SEL1L2: variants seen among roughly 807,000 people sequenced by gnomAD.
The protein encoded by SEL1L2 is SEL1L2 adaptor subunit of SYVN1 ubiquitin ligase, also known as protein sel-1 homolog 2.
A neutral mutation model predicts 98.8 loss-of-function variants in SEL1L2; 89 were observed. That is an observed-to-expected ratio of 0.90 (90% confidence interval 0.76 to 1.07). SEL1L2 has a LOEUF of 1.07. SEL1L2 is among the 50% of genes least tolerant of loss of function. SEL1L2 has a pLI of 0.00. For missense variants in SEL1L2, 788 were observed against 812.0 expected, an observed-to-expected ratio of 0.97 and a Z score of 0.36; for synonymous variants, 262 against 278.5, an observed-to-expected ratio of 0.94 and a Z score of 0.59.
chr20:13,898,053 T>A (rs1414218824), intron 5 of SEL1L2, among the ~76,000 whole-genome samples: 1 of 152,156 alleles, frequency 6.6e-6, no homozygotes, highest in South Asian at 2.1e-4. Context: ...ATGGTGCAGC[T>A]GCTATGGAAA....
intron 14 of SEL1L2, among the ~76,000 whole-genome samples, chr20:13,868,285 G>T (rs912338557): frequency 6.6e-6 from 1 of 151,894 alleles, no homozygotes; most frequent in Non-Finnish European, 1.5e-5. Context: ...TATCTATCAC[G>T]GTTAAAGAGG....
chr20:13,912,226 T>C (rs575340575), intron 5 of SEL1L2, among the ~76,000 whole-genome samples: 1 of 151,862 alleles, frequency 6.6e-6, no homozygotes, highest in Non-Finnish European at 1.5e-5. Flanking sequence ...AGGACACCCA[T>C]GGGCTTTGTC....
At chr20:13,920,606 T>C (rs564600036) in intron 3 of SEL1L2, among the ~76,000 whole-genome samples, 5 of 147,016 alleles carry the variant, frequency 3.4e-5, no homozygotes, top group South Asian at 4.4e-4. Context: ...CACACACACA[T>C]ACAGCCTTTT....
intron 18 of SEL1L2, among the ~76,000 whole-genome samples, chr20:13,853,670 T>TGA (rs2147714692): frequency 6.6e-6 from 1 of 152,326 alleles, no homozygotes; most frequent in East Asian, 1.9e-4. Context: ...ATGAAGATAT[T>TGA]GAGGCACAGA....
chr20:13,932,666 G>A (rs1337010686), intron 2 of SEL1L2, among the ~76,000 whole-genome samples: 1 of 152,088 alleles, frequency 6.6e-6, no homozygotes, highest in Non-Finnish European at 1.5e-5. Context: ...TCTGACCTCA[G>A]GTGATCTGCC....
At chr20:13,926,300 G>A (rs1309750437) in intron 3 of SEL1L2, among the ~76,000 whole-genome samples, 1 of 150,612 alleles carries the variant, frequency 6.6e-6, no homozygotes, top group African/African-American at 2.4e-5. Context: ...GGGCGACAGA[G>A]CGAGACTCCG....
intron 5 of SEL1L2, among the ~76,000 whole-genome samples, chr20:13,891,945 G>A (rs1016448312): frequency 6.6e-6 from 1 of 152,104 alleles, no homozygotes; most frequent in African/African-American, 2.4e-5. Flanking sequence ...GAATTCTGTA[G>A]TATTGTAATG....
chr20:13,877,422 T>C, intron 11 of SEL1L2, 98 bp downstream of exon 11: 1 of 922,132 alleles, frequency 1.1e-6, no homozygotes, highest in Non-Finnish European at 1.7e-6. Context: ...CACCTCAACT[T>C]CCCAAGTAGC....
At chr20:13,924,298 C>G (rs914006600) in intron 3 of SEL1L2, among the ~76,000 whole-genome samples, 2 of 119,834 alleles carry the variant, frequency 1.7e-5, no homozygotes, top group African/African-American at 5.7e-5. Flanking sequence ...CTTTTTTTTT[C>G]TGGGCTGCAT....
At chr20:13,944,772 C>T (rs941836576) in intron 2 of SEL1L2, among the ~76,000 whole-genome samples, 3 of 152,086 alleles carry the variant, frequency 2.0e-5, no homozygotes, top group Non-Finnish European at 4.4e-5. Flanking sequence ...AAATACAAAG[C>T]GTTTTGCTAA....
rs1202553517 is a variant in SEL1L2, at chr20:13,850,976, C to G, written c.1819-657G>C. ...AGGGCCAGGCACAGGGGGGTTCACG[C>G]CTGTAGTCCCAGTACTTTGGGAGGC... On this transcript the variant is annotated intron_variant, in intron 18 of 19. Transcript: ENST00000284951. 2.0e-5 allele frequency among the ~76,000 whole-genome samples: 3 copies of G among 152,158 alleles called. No homozygotes were observed. The South Asian group carries it at 6.2e-4, about 31-fold the overall frequency.
intron 2 of SEL1L2, among the ~76,000 whole-genome samples, chr20:13,952,360 C>T (rs533529620): frequency 2.6e-5 from 4 of 152,312 alleles, no homozygotes; most frequent in South Asian, 2.1e-4. Flanking sequence ...CCAAGCCTCC[C>T]ATTTCATGGA....
chr20:13,958,523 C>G (rs1291650542), intron 1 of SEL1L2, among the ~76,000 whole-genome samples: 1 of 152,080 alleles, frequency 6.6e-6, no homozygotes. Context: ...CAAACTTGAG[C>G]GATTTTCTTA....
chr20:13,914,298 C>T (rs2048316792), intron 4 of SEL1L2, among the ~76,000 whole-genome samples: 1 of 152,114 alleles, frequency 6.6e-6, no homozygotes, highest in South Asian at 2.1e-4. Context: ...ATACTGAACT[C>T]TCCCATGGCC....
chr20:13,924,621 C>T (rs2048802703), intron 3 of SEL1L2, among the ~76,000 whole-genome samples: 1 of 151,866 alleles, frequency 6.6e-6, no homozygotes. Flanking sequence ...GACAGACTCT[C>T]ACTGTATTGC....
chr20:13,909,784 G>A (rs1006475508), intron 5 of SEL1L2, among the ~76,000 whole-genome samples: 2 of 152,048 alleles, frequency 1.3e-5, no homozygotes, highest in African/African-American at 2.4e-5. Context: ...TGGCCAACAT[G>A]GTGAAACCCC....
chr20:13,908,472 GC>G, intron 5 of SEL1L2, among the ~76,000 whole-genome samples: 2 of 152,130 alleles, frequency 1.3e-5, no homozygotes, highest in South Asian at 2.1e-4. Context: ...TTCTTGTCTG[GC>G]AAATTAACAA....
At chr20:13,962,801 C>T (rs1406314826) in intron 1 of SEL1L2, among the ~76,000 whole-genome samples, 2 of 152,166 alleles carry the variant, frequency 1.3e-5, no homozygotes, top group Admixed American at 1.3e-4. Context: ...CACAATGGCT[C>T]ATGCCTGTAA....
chr20:13,977,624 T>C (rs1671488557), intron 1 of SEL1L2, among the ~76,000 whole-genome samples: 1 of 152,102 alleles, frequency 6.6e-6, no homozygotes, highest in Admixed American at 6.5e-5. Flanking sequence ...GGAAGAGTGA[T>C]TCCTGTCAGA....
Sources: allele counts gnomAD v4.1 joint callset (sites outside exome capture counted in the v4.1 genomes callset), GRCh38; gene constraint gnomAD v4.1.1; transcripts MANE v1.5; gene names NCBI Gene and HGNC (gene_info 2026-07-23, HGNC 2026-07-21).